The following IL1RAPL1 variants were observed in gnomAD, a reference collection of about 807,000 sequenced individuals.
IL1RAPL1 encodes the protein interleukin 1 receptor accessory protein like 1, also known as interleukin-1 receptor accessory protein-like 1.
In IL1RAPL1, 3 loss-of-function variants were observed where a neutral mutation model predicts 48.4. That is an observed-to-expected ratio of 0.06 (90% CI 0.03 to 0.16). The LOEUF (loss-of-function observed/expected upper bound fraction) is 0.16. Among genes scored for constraint, IL1RAPL1 ranks in the 10% least tolerant of loss-of-function variants. The probability of loss-of-function intolerance (pLI) is 1.00; values close to 1 mark genes in which losing one functional copy is unlikely to be tolerated. For synonymous variants in IL1RAPL1, 185 were observed against 187.7 expected, an observed-to-expected ratio of 0.99 and a Z score of 0.12; for missense variants, 349 against 530.6, an observed-to-expected ratio of 0.66 and a Z score of 3.36.
intron 6 of IL1RAPL1, among the ~76,000 whole-genome samples, chrX:29,785,753 G>A (rs1929480926): frequency 9.0e-6 from 1 of 111,712 alleles, no homozygotes; most frequent in Non-Finnish European, 1.9e-5. Flanking sequence ...ATATACATAA[G>A]ACTATGGATG....
At chrX:29,814,334 A>G (rs947690827) in intron 6 of IL1RAPL1, among the ~76,000 whole-genome samples, 1 of 111,344 alleles carries the variant, frequency 9.0e-6, no homozygotes, top group Admixed American at 9.6e-5. Context: ...TCTGATGACT[A>G]GTGTTGTGAT....
intron 5 of IL1RAPL1, among the ~76,000 whole-genome samples, chrX:29,624,494 A>G (rs1029234350): frequency 8.9e-6 from 1 of 111,742 alleles, no homozygotes; most frequent in Non-Finnish European, 1.9e-5. Context: ...GACTATTTTT[A>G]TTATCTGATA....
chrX:28,936,247 G>T (rs187387387), intron 2 of IL1RAPL1, among the ~76,000 whole-genome samples: 53 of 110,896 alleles, frequency 4.8e-4, no homozygotes, highest in Non-Finnish European at 8.1e-4. Flanking sequence ...TTTTTCAGAT[G>T]ATTTTCTCTA....
Position 29,844,172 on chromosome X carries a change from T to C in IL1RAPL1, c.779-73292T>C, listed in dbSNP as rs143315045. On this transcript the variant is annotated intron_variant, in intron 6 of 10. Coordinates refer to ENST00000378993, the MANE Select transcript of IL1RAPL1 (RefSeq NM_014271.4). ...CAGTAAATATGTATTGAGAACCTAA[T>C]ATATGTCAGGCAATGTTCTAGATGC... Among the ~76,000 whole-genome samples the C allele has an allele frequency of 3.3e-3, 368 of 112,270 alleles. 1 individual carries two copies. The highest frequency in any genetic ancestry group is 0.012 in the African/African-American group (361 of 30,917).
chrX:29,869,906 A>G (rs980846613), intron 6 of IL1RAPL1, among the ~76,000 whole-genome samples: 4 of 110,315 alleles, frequency 3.6e-5, no homozygotes, highest in Admixed American at 9.7e-5. Flanking sequence ...GTACATTAGT[A>G]TGGCTTCTTT....
chrX:29,545,193 ATC>A (rs1167961594), intron 5 of IL1RAPL1, among the ~76,000 whole-genome samples: 1 of 93,086 alleles, frequency 1.1e-5, no homozygotes, highest in East Asian at 3.1e-4. Flanking sequence ...CTATCTATCT[ATC>A]TATCTATCTA....
chrX:29,222,015 C>A (rs867217889), intron 2 of IL1RAPL1, among the ~76,000 whole-genome samples: 151 of 65,219 alleles, frequency 2.3e-3, no homozygotes, highest in Non-Finnish European at 2.5e-3. Flanking sequence ...GAGATTCCGT[C>A]AAAAAAAAAA....
At chrX:29,489,057 T>C (rs1347977096) in intron 5 of IL1RAPL1, among the ~76,000 whole-genome samples, 1 of 111,660 alleles carries the variant, frequency 9.0e-6, no homozygotes, top group African/African-American at 3.3e-5. Context: ...ATTTTCCAGC[T>C]GTAGTCTATT....
At chrX:29,165,362 C>G (rs1929767988) in intron 2 of IL1RAPL1, among the ~76,000 whole-genome samples, 1 of 111,759 alleles carries the variant, frequency 8.9e-6, no homozygotes, top group South Asian at 3.7e-4. Context: ...TAAAATTAAA[C>G]TAACAGCTAA....
intron 5 of IL1RAPL1, among the ~76,000 whole-genome samples, chrX:29,464,628 C>T (rs1934841330): frequency 8.9e-6 from 1 of 112,010 alleles, no homozygotes; most frequent in Non-Finnish European, 1.9e-5. Context: ...GACACAGGCA[C>T]ATGTATGTTC....
chrX:28,740,090 A>G (rs770263307), intron 1 of IL1RAPL1, among the ~76,000 whole-genome samples: 29 of 111,257 alleles, frequency 2.6e-4, no homozygotes, highest in Non-Finnish European at 5.3e-4. Flanking sequence ...CATACTCATT[A>G]ATATCGTAGA....
chrX:28,624,360 G>A (rs1934315954), intron 1 of IL1RAPL1, among the ~76,000 whole-genome samples: 1 of 111,414 alleles, frequency 9.0e-6, no homozygotes, highest in Non-Finnish European at 1.9e-5. Context: ...TACTTTTGAT[G>A]AAATCCTGCT....
chrX:28,797,826 C>G (rs1936631216), intron 2 of IL1RAPL1, among the ~76,000 whole-genome samples: 1 of 111,620 alleles, frequency 9.0e-6, no homozygotes, highest in Admixed American at 9.6e-5. Context: ...TACCAATTTA[C>G]TGTGTTAGCC....
intron 5 of IL1RAPL1, among the ~76,000 whole-genome samples, chrX:29,650,474 C>A (rs1311645078): frequency 9.5e-6 from 1 of 105,169 alleles, no homozygotes; most frequent in East Asian, 2.8e-4. Flanking sequence ...TACACATTTA[C>A]AGCTAACTCA....
At chrX:29,522,347 T>G (rs774444151) in intron 5 of IL1RAPL1, among the ~76,000 whole-genome samples, 4 of 110,272 alleles carry the variant, frequency 3.6e-5, no homozygotes, top group Non-Finnish European at 7.6e-5. Context: ...TTTTTGTAGC[T>G]ACGAGGTCGC....
intron 6 of IL1RAPL1, among the ~76,000 whole-genome samples, chrX:29,831,192 T>A (rs745985529): frequency 9.0e-6 from 1 of 111,637 alleles, no homozygotes; most frequent in Non-Finnish European, 1.9e-5. Flanking sequence ...AGGTATTGTG[T>A]GAGCAAACCA....
chrX:29,033,115 C>T (rs1482904172), intron 2 of IL1RAPL1, among the ~76,000 whole-genome samples: 4 of 111,023 alleles, frequency 3.6e-5, no homozygotes, highest in Non-Finnish European at 7.6e-5. Flanking sequence ...CCCTTATATT[C>T]CTTGAAGTTC....
intron 1 of IL1RAPL1, among the ~76,000 whole-genome samples, chrX:28,753,760 A>G (rs1467911329): frequency 8.9e-6 from 1 of 112,379 alleles, no homozygotes. Context: ...CTATTGAGCC[A>G]TGAAGGCAAT....
At chrX:28,724,061 G>T (rs1340106082) in intron 1 of IL1RAPL1, among the ~76,000 whole-genome samples, 1 of 111,949 alleles carries the variant, frequency 8.9e-6, no homozygotes, top group Non-Finnish European at 1.9e-5. Flanking sequence ...TGAGAAGAAT[G>T]TATATTCTGT....
Sources: allele counts gnomAD v4.1 joint callset (sites outside exome capture counted in the v4.1 genomes callset), GRCh38; gene constraint gnomAD v4.1.1; transcripts MANE v1.5; gene names NCBI Gene and HGNC (gene_info 2026-07-23, HGNC 2026-07-21).